Variants in TP63 observed in about 807,000 individuals in gnomAD.
TP63 encodes tumor protein 63.
A neutral mutation model predicts 82.8 loss-of-function variants in TP63; 17 were observed. That is an observed-to-expected ratio of 0.21 (90% CI 0.14 to 0.31). The LOEUF (loss-of-function observed/expected upper bound fraction) is 0.31. TP63 is among the 10% of genes least tolerant of loss of function. The pLI is 1.00. For missense variants in TP63, 648 were observed against 895.3 expected (o/e 0.72, Z 3.52); for synonymous variants, 330 against 321.7 (o/e 1.03, Z -0.28).
chr3:189,838,556 G>C (rs1713483308), intron 4 of TP63, among the ~76,000 whole-genome samples: 1 of 152,076 alleles, frequency 6.6e-6, no homozygotes, highest in Non-Finnish European at 1.5e-5. Flanking sequence ...TAGAGGAAAG[G>C]GTTTGTTTAA....
intron 3 of TP63, among the ~76,000 whole-genome samples, chr3:189,775,549 G>A (rs1425513541): frequency 1.3e-5 from 2 of 152,022 alleles, no homozygotes; most frequent in Non-Finnish European, 2.9e-5. Flanking sequence ...TCTTTGGATC[G>A]AGTTTTTTGT....
At chr3:189,740,023 GGGAGAAAGTCAA>G (rs1720868335) in intron 3 of TP63, among the ~76,000 whole-genome samples, 1 of 151,836 alleles carries the variant, frequency 6.6e-6, no homozygotes, top group Non-Finnish European at 1.5e-5. Context: ...GAAAGTCAAT[GGGAGAAAGTCAA>G]TTGGAGAAAG....
the TP63 span, among the ~76,000 whole-genome samples, chr3:189,620,144 G>A: frequency 4.6e-5 from 7 of 152,282 alleles, no homozygotes; most frequent in South Asian, 1.0e-3. Context: ...AGGCCGAGGC[G>A]GGCAGACCAC....
chr3:189,618,511 A>G, the TP63 span, among the ~76,000 whole-genome samples: 6 of 152,142 alleles, frequency 3.9e-5, no homozygotes, highest in African/African-American at 1.2e-4. Flanking sequence ...GCTGGTCATA[A>G]TGGTAAATAT....
rs1056318862 is a variant in TP63 at position 189,832,183 on chromosome 3, A to AT, written c.579+23665dup. 4.6e-5 allele frequency among the ~76,000 whole-genome samples: 7 copies of AT among 151,890 alleles called. No homozygotes were observed. The South Asian group carries it at 1.5e-3, about 32-fold the overall frequency. ...ATCTTCAGATGATGTCAGCATCCTA[A>AT]TTTTTTTTCTCCTCTTGGGGTTTTT... On this transcript the variant is annotated intron_variant, in intron 4 of 13. Coordinates refer to ENST00000264731, the MANE Select transcript of TP63 (RefSeq NM_003722.5).
intron 4 of TP63, among the ~76,000 whole-genome samples, chr3:189,852,361 C>A (rs1366240038): frequency 6.6e-6 from 1 of 152,200 alleles, no homozygotes; most frequent in East Asian, 1.9e-4. Flanking sequence ...CAATTGTCTG[C>A]TGAATATCAG....
At chr3:189,798,029 C>G (rs1473607997) in intron 3 of TP63, among the ~76,000 whole-genome samples, 1 of 152,024 alleles carries the variant, frequency 6.6e-6, no homozygotes, top group Non-Finnish European at 1.5e-5. Context: ...TCCTCCCTAT[C>G]CTTTGACTGA....
intron 10 of TP63, among the ~76,000 whole-genome samples, chr3:189,878,713 C>T (rs559459240): frequency 2.0e-5 from 3 of 150,524 alleles, no homozygotes; most frequent in Non-Finnish European, 4.4e-5. Flanking sequence ...CAGGTGTGAG[C>T]CACCGCGCCC....
In TP63 at chr3:189,894,576, A is replaced by C; in HGVS notation, c.*74A>C. 6.4e-7 allele frequency: 1 copy of C among 1,557,692 alleles called. No homozygotes were observed. The highest frequency in any genetic ancestry group is 2.3e-5 in the East Asian group (1 of 43,766). On this transcript the variant is annotated 3_prime_UTR_variant, in exon 14 of 14. Coordinates refer to ENST00000264731, the MANE Select transcript of TP63 (RefSeq NM_003722.5). ...TAAAAGCACTCCTGCTTAATCTTCA[A>C]AGCCTTCTCCCTAGCTCCTCCCCTT...
chr3:189,696,095 A>G (rs1355423365), intron 1 of TP63, among the ~76,000 whole-genome samples: 2 of 152,098 alleles, frequency 1.3e-5, no homozygotes, highest in Non-Finnish European at 2.9e-5. Context: ...TACTTGTGCT[A>G]TAAAGTTCTA....
At chr3:189,833,364 G>A (rs1010035277) in intron 4 of TP63, among the ~76,000 whole-genome samples, 5 of 152,210 alleles carry the variant, frequency 3.3e-5, no homozygotes, top group African/African-American at 1.2e-4. Flanking sequence ...CTTGAAAACT[G>A]CCTTTCCAAT....
intron 4 of TP63, among the ~76,000 whole-genome samples, chr3:189,859,492 A>C (rs1716738751): frequency 6.6e-6 from 1 of 152,216 alleles, no homozygotes; most frequent in African/African-American, 2.4e-5. Flanking sequence ...GAGGAATGTT[A>C]ATTTAAACCA....
chr3:189,865,723 C>T (rs1717644612), intron 5 of TP63, among the ~76,000 whole-genome samples: 1 of 152,132 alleles, frequency 6.6e-6, no homozygotes, highest in Non-Finnish European at 1.5e-5. Flanking sequence ...CAAGTCCTTG[C>T]CCACATGGCC....
At chr3:189,673,000 C>T (rs1222042894) in intron 1 of TP63, among the ~76,000 whole-genome samples, 1 of 152,046 alleles carries the variant, frequency 6.6e-6, no homozygotes, top group Non-Finnish European at 1.5e-5. Flanking sequence ...GCCACCACGC[C>T]TGGCTAATTT....
At chr3:189,882,720 ATT>A (rs1720059622) in intron 10 of TP63, among the ~76,000 whole-genome samples, 1 of 152,158 alleles carries the variant, frequency 6.6e-6, no homozygotes, top group South Asian at 2.1e-4. Flanking sequence ...GAATTTTGAT[ATT>A]CTACCACATA....
intron 13 of TP63, among the ~76,000 whole-genome samples, chr3:189,893,069 A>T (rs1721180474): frequency 6.6e-6 from 1 of 152,190 alleles, no homozygotes; most frequent in Non-Finnish European, 1.5e-5. Flanking sequence ...GGGCATCATC[A>T]CTTCCTGGAA....
chr3:189,631,440 C>G lies in TP63; in HGVS notation c.-76C>G. 6.2e-7 allele frequency: 1 copy of G among 1,604,676 alleles called. No individual in the cohort carries two copies. Among genetic ancestry groups the G allele is most frequent in the Non-Finnish European group, 8.5e-7 (1 of 1,175,300 alleles). ...TGCTTTTAGCCTCCCGGCTTTATAT[C>G]TATATATACACAGGTATATGTGTAT... On this transcript the variant is annotated 5_prime_UTR_variant, in exon 1 of 14. In the 5' UTR this introduces an upstream ATG that the reference lacks. Transcript: ENST00000264731.
intron 1 of TP63, among the ~76,000 whole-genome samples, chr3:189,676,020 T>C (rs1577219983): frequency 6.6e-6 from 1 of 152,142 alleles, no homozygotes; most frequent in East Asian, 1.9e-4. Context: ...TCAGCTTTAT[T>C]GTGATATAAT....
At chr3:189,691,312 C>G (rs1377969468) in intron 1 of TP63, among the ~76,000 whole-genome samples, 1 of 128,026 alleles carries the variant, frequency 7.8e-6, no homozygotes, top group Non-Finnish European at 1.6e-5. Flanking sequence ...GCACTCCAGC[C>G]TGGGTGATAG....
Sources: gnomAD v4.1 joint callset for allele counts (sites outside exome capture counted in the v4.1 genomes callset) on GRCh38, gnomAD v4.1.1 for gene constraint, MANE v1.5 for transcripts, NCBI Gene and HGNC (gene_info 2026-07-23, HGNC 2026-07-21) for gene names.